The following RSU1 variants were observed in gnomAD, a reference collection of about 807,000 sequenced individuals.
The protein encoded by RSU1 is rsu-1.
RSU1 carries 26 observed loss-of-function variants against 31.1 expected under a neutral mutation model. The observed-to-expected ratio is 0.84, with a 90% CI of 0.61 to 1.16. The LOEUF (loss-of-function observed/expected upper bound fraction) is 1.16. Among genes scored for constraint, RSU1 ranks in the 50% most tolerant of loss-of-function variants. The pLI, the probability that RSU1 is intolerant of heterozygous loss-of-function variation, is 0.00. For missense variants in RSU1, 320 were observed against 339.1 expected, an observed-to-expected ratio of 0.94 and a Z score of 0.44; for synonymous variants, 164 against 136.3, an observed-to-expected ratio of 1.20 and a Z score of -1.41.
chr10:16,816,832 C>T (rs1189893053), intron 2 of RSU1, 141 bp downstream of exon 2: 4 of 631,090 alleles, frequency 6.3e-6, no homozygotes, highest in South Asian at 1.9e-5. Flanking sequence ...ACCCTCTGCG[C>T]GAAGCCCCTG....
rs1276566254 is a variant in RSU1 at position 16,591,389 on chromosome 10, C to T, written c.*2005G>A. ...GATCTCGGATAATTTCCTCAGGATA[C>T]ATTCCTAGAAATAAAAATTCTGGGC... On this transcript the variant is annotated 3_prime_UTR_variant, in exon 9 of 9. Coordinates refer to ENST00000345264, the MANE Select transcript of RSU1 (RefSeq NM_012425.4). 2 of 150,134 alleles carry T rather than the reference C, an allele frequency of 1.3e-5. No homozygotes were observed. Among genetic ancestry groups the T allele is most frequent in the East Asian group, 3.9e-4 (2 of 5,066 alleles). The allele number at this position is 150,134 out of a possible 1,614,324, so 9.3% of individuals were successfully genotyped here.
At chr10:16,699,149 G>C (rs185896883) in intron 7 of RSU1, among the ~76,000 whole-genome samples, 45 of 152,296 alleles carry the variant, frequency 3.0e-4, no homozygotes, top group Non-Finnish European at 3.2e-4. Context: ...TGACAGAAAT[G>C]GAAACCGCGC....
At chr10:16,788,366 T>C (rs1019232765) in intron 2 of RSU1, among the ~76,000 whole-genome samples, 1 of 151,916 alleles carries the variant, frequency 6.6e-6, no homozygotes, top group African/African-American at 2.4e-5. Flanking sequence ...CAGTGTATGG[T>C]ATTGGGAGGC....
intron 8 of RSU1, among the ~76,000 whole-genome samples, chr10:16,648,748 A>T (rs1309628577): frequency 1.3e-5 from 2 of 151,690 alleles, no homozygotes; most frequent in African/African-American, 4.9e-5. Flanking sequence ...GCCAGCTTTC[A>T]CAGTTTATTG....
chr10:16,613,887 T>C (rs1301869196), intron 8 of RSU1, among the ~76,000 whole-genome samples: 10 of 151,892 alleles, frequency 6.6e-5, no homozygotes, highest in South Asian at 2.1e-4. Context: ...CTGATGGATA[T>C]GAAGATCACA....
chr10:16,814,480 T>G (rs1268535483), intron 2 of RSU1, among the ~76,000 whole-genome samples: 2 of 147,502 alleles, frequency 1.4e-5, no homozygotes, highest in African/African-American at 5.1e-5. Context: ...AAAAAAAAAT[T>G]CTTACACTTA....
intron 8 of RSU1, among the ~76,000 whole-genome samples, chr10:16,638,514 T>C (rs1220182054): frequency 6.6e-6 from 1 of 152,162 alleles, no homozygotes; most frequent in Non-Finnish European, 1.5e-5. Context: ...CACCGAGTGT[T>C]AGTTTCTTTG....
chr10:16,723,588 A>G (rs929990560), intron 7 of RSU1, among the ~76,000 whole-genome samples: 15 of 152,344 alleles, frequency 9.8e-5, no homozygotes, highest in African/African-American at 3.4e-4. Context: ...AAAAACCTAT[A>G]AAGGAACATA....
intron 7 of RSU1, among the ~76,000 whole-genome samples, chr10:16,716,338 AT>A (rs1836139608): frequency 6.6e-6 from 1 of 152,146 alleles, no homozygotes; most frequent in South Asian, 2.1e-4. Flanking sequence ...TTATATTTTA[AT>A]CTATCTTTAT....
At chr10:16,727,380 G>T (rs994532664) in intron 7 of RSU1, among the ~76,000 whole-genome samples, 1 of 151,996 alleles carries the variant, frequency 6.6e-6, no homozygotes, top group African/African-American at 2.4e-5. Flanking sequence ...GCAAATTCAC[G>T]ACCACAGTGA....
At position 16,785,439 on chromosome 10, in the gene RSU1, T is replaced by C. The variant is rs183408298; in HGVS notation, c.110-3355A>G. 4.0e-3 allele frequency among the ~76,000 whole-genome samples: 513 copies of C among 128,332 alleles called. 20 individuals are homozygous for C. Among genetic ancestry groups the C allele is most frequent in the African/African-American group, 0.014 (407 of 29,076 alleles). 84.2% of individuals were successfully genotyped at this position (128,332 alleles called of 152,430 possible). A position where few individuals can be genotyped will look rare whatever the true frequency, so the allele number is the denominator to read the frequency against. Reference sequence around the variant, plus strand: ...ATATACATATATACATATATATATATACACATATATACATATATACATATA... The same window carrying C: ...ATATACATATATACATATATATATACACACATATATACATATATACATATA... On this transcript the variant is annotated intron_variant, in intron 2 of 8. Transcript: ENST00000345264.
intron 8 of RSU1, among the ~76,000 whole-genome samples, chr10:16,593,738 G>C (rs375936808): frequency 1.1e-4 from 17 of 152,360 alleles, no homozygotes; most frequent in African/African-American, 3.8e-4. Context: ...CACTCACTGG[G>C]AGAAGTGGTC....
At chr10:16,680,833 A>G (rs1171193275) in intron 8 of RSU1, among the ~76,000 whole-genome samples, 1 of 152,208 alleles carries the variant, frequency 6.6e-6, no homozygotes, top group Non-Finnish European at 1.5e-5. Context: ...TATGTCAGGA[A>G]AAAATGAAAC....
chr10:16,626,635 A>G (rs966823373), intron 8 of RSU1, among the ~76,000 whole-genome samples: 1 of 152,060 alleles, frequency 6.6e-6, no homozygotes, highest in African/African-American at 2.4e-5. Context: ...CAACTCCTCT[A>G]CCTCCTAGCT....
At chr10:16,622,728 T>A (rs11254114) in intron 8 of RSU1, among the ~76,000 whole-genome samples, 2,362 of 152,268 alleles carry the variant, frequency 0.016, 51 homozygotes, top group African/African-American at 0.054. Flanking sequence ...CGGCCCAGGA[T>A]CAAGGTTAAG....
At chr10:16,684,455 C>G (rs1418370279) in intron 8 of RSU1, among the ~76,000 whole-genome samples, 1 of 152,108 alleles carries the variant, frequency 6.6e-6, no homozygotes, top group African/African-American at 2.4e-5. Context: ...AAGAGATAAT[C>G]AAGTTAAAAT....
chr10:16,688,632 T>C (rs1461416241), intron 8 of RSU1, among the ~76,000 whole-genome samples: 3 of 151,938 alleles, frequency 2.0e-5, no homozygotes, highest in Non-Finnish European at 4.4e-5. Flanking sequence ...ATAATACAAA[T>C]ATGTACCATT....
chr10:16,762,120 C>T (rs1837221519), intron 4 of RSU1, among the ~76,000 whole-genome samples: 1 of 151,886 alleles, frequency 6.6e-6, no homozygotes, highest in African/African-American at 2.4e-5. Context: ...GGTCAGGGAC[C>T]ATAACCTTCA....
chr10:16,660,991 T>A (rs1172614729), intron 8 of RSU1, among the ~76,000 whole-genome samples: 1 of 152,140 alleles, frequency 6.6e-6, no homozygotes, highest in African/African-American at 2.4e-5. Context: ...TTTTAACCTA[T>A]CTACTGAAAT....
Sources: allele counts gnomAD v4.1 joint callset (sites outside exome capture counted in the v4.1 genomes callset), GRCh38; gene constraint gnomAD v4.1.1; transcripts MANE v1.5; gene names NCBI Gene and HGNC (gene_info 2026-07-23, HGNC 2026-07-21).